Variants in GLDC observed in about 807,000 individuals in gnomAD.
GLDC encodes glycine dehydrogenase (decarboxylating), mitochondrial.
Under a neutral mutation model 121.3 loss-of-function variants are expected in GLDC, and 104 were observed. The observed-to-expected ratio is 0.86, with a 90% confidence interval of 0.73 to 1.01. The LOEUF (loss-of-function observed/expected upper bound fraction) is 1.01. Ranked by LOEUF, GLDC falls within the 50% of genes least tolerant of loss-of-function variation. GLDC has a pLI of 0.00. For missense variants in GLDC, 1,429 were observed against 1,306.6 expected (o/e 1.09, Z -1.44); for synonymous variants, 546 against 480.6 (o/e 1.14, Z -1.78).
At chr9:6,547,232 T>C (rs1169597097) in intron 21 of GLDC, among the ~76,000 whole-genome samples, 1 of 152,118 alleles carries the variant, frequency 6.6e-6, no homozygotes, top group Non-Finnish European at 1.5e-5. Flanking sequence ...CAGTTATATG[T>C]CTTTTTAAGA....
At chr9:6,602,457 A>G (rs1818635696) in intron 7 of GLDC, among the ~76,000 whole-genome samples, 3 of 151,510 alleles carry the variant, frequency 2.0e-5, no homozygotes, top group African/African-American at 7.3e-5. Context: ...GCTCACTGCA[A>G]CCTCTGCCTT....
At chr9:6,593,071 G>T in intron 9 of GLDC, 81 bp from the exon 10 acceptor site, 1 of 1,466,316 alleles carries the variant, frequency 6.8e-7, no homozygotes, top group Non-Finnish European at 9.6e-7. Context: ...ATAATAAAGA[G>T]ATAAATTCTA....
chr9:6,543,896 G>C (rs550126983), intron 21 of GLDC, among the ~76,000 whole-genome samples: 11 of 151,760 alleles, frequency 7.2e-5, no homozygotes, highest in African/African-American at 2.2e-4. Flanking sequence ...GACAGGAGGG[G>C]GGGGGATGAA....
chr9:6,540,371 A>G, intron 21 of GLDC: 1 of 524,374 alleles, frequency 1.9e-6, no homozygotes, highest in Non-Finnish European at 3.4e-6. Context: ...TCTTATCTTC[A>G]GCTCACTACA....
At chr9:6,562,001 T>G (rs1213673140) in intron 16 of GLDC, among the ~76,000 whole-genome samples, 1 of 152,262 alleles carries the variant, frequency 6.6e-6, no homozygotes, top group Admixed American at 6.5e-5. Context: ...TAACATAATT[T>G]GTTTCCTTTG....
intron 15 of GLDC, among the ~76,000 whole-genome samples, chr9:6,576,990 G>A (rs1268852049): frequency 6.6e-6 from 1 of 152,144 alleles, no homozygotes; most frequent in East Asian, 1.9e-4. Context: ...TTGAGCTGAT[G>A]AATTCTCTCT....
chr9:6,626,376 T>C (rs145304962), intron 2 of GLDC, among the ~76,000 whole-genome samples: 40 of 152,194 alleles, frequency 2.6e-4, no homozygotes, highest in African/African-American at 9.2e-4. Context: ...AGGAGCAGGA[T>C]TGAAATAAAA....
rs1010614777 is a variant in GLDC at position 6,556,295 on chromosome 9, T to A, written c.2060A>T (p.Lys687Met). Reference sequence around the variant, plus strand: ...GATAGCTGCTAGGTTCTCCTTGTGCTTATCCACCTGTGAAAGAAAAGGGGT... The same window carrying A: ...GATAGCTGCTAGGTTCTCCTTGTGCATATCCACCTGTGAAAGAAAAGGGGT... ...DAVHLKAMVD[K>M]HKENLAAIMI... Residue 687 changes from lysine (K) to methionine (M), a missense_variant, in exon 18 of 25, where the codon AAG becomes ATG. By Grantham distance (95) the Lys-to-Met change is moderately conservative (BLOSUM62 -1). Transcript: ENST00000321612. 2 of 1,613,532 alleles carry A rather than the reference T, an allele frequency of 1.2e-6. No individual in the cohort carries two copies.
rs899031479 is a variant in GLDC, at chr9:6,552,342, T to C, written c.2457+1026A>G. Among the ~76,000 whole-genome samples, 9 of 152,192 alleles carry C rather than the reference T, an allele frequency of 5.9e-5. No homozygotes were observed. The East Asian group carries it at 7.7e-4, about 13-fold the overall frequency. ...TGGGAAGTCATCTCCAACCCAAATATGTTCATACAAATAACCCAGATTTAC... is the reference window on the plus strand; with the variant it reads ...TGGGAAGTCATCTCCAACCCAAATACGTTCATACAAATAACCCAGATTTAC... On this transcript the variant is annotated intron_variant, in intron 20 of 24. Coordinates refer to ENST00000321612, the MANE Select transcript of GLDC (RefSeq NM_000170.3).
In GLDC at chr9:6,645,227, C is replaced by A; in HGVS notation, c.255+18G>T. The A allele has an allele frequency of 6.4e-7, 1 of 1,572,906 alleles. No individual in the cohort carries two copies. Among genetic ancestry groups the A allele is most frequent in the Non-Finnish European group, 8.6e-7 (1 of 1,159,110 alleles). On this transcript the variant is annotated intron_variant, in intron 1 of 24. Transcript: ENST00000321612. ...AGGGCGGAGGGGAGGCCGCGGAGGGCCGGGTGGAGGTCCTTACCGCCAGCC... is the reference window on the plus strand; with the variant it reads ...AGGGCGGAGGGGAGGCCGCGGAGGGACGGGTGGAGGTCCTTACCGCCAGCC...
intron 1 of GLDC, among the ~76,000 whole-genome samples, chr9:6,645,016 T>C (rs1024878019): frequency 2.6e-5 from 4 of 152,170 alleles, no homozygotes; most frequent in Non-Finnish European, 5.9e-5. Flanking sequence ...GGTTTAAAAA[T>C]GTACACTTTT....
At chr9:6,534,543 C>A (rs1404904993) in intron 24 of GLDC, among the ~76,000 whole-genome samples, 165 bp downstream of exon 24, 1 of 152,216 alleles carries the variant, frequency 6.6e-6, no homozygotes, top group Admixed American at 6.5e-5. Flanking sequence ...TGTGACCTCG[C>A]CTCTGAAAGC....
At chr9:6,642,740 A>G (rs2773508) in intron 2 of GLDC, among the ~76,000 whole-genome samples, 1 of 151,810 alleles carries the variant, frequency 6.6e-6, no homozygotes, top group African/African-American at 2.4e-5. Flanking sequence ...TAGAGTATAT[A>G]TATTATAAAA....
intron 21 of GLDC, among the ~76,000 whole-genome samples, chr9:6,547,557 A>T (rs1211905382): frequency 1.3e-5 from 2 of 152,148 alleles, no homozygotes; most frequent in African/African-American, 4.8e-5. Flanking sequence ...AAAAAAATTG[A>T]AGCCATACAT....
intron 12 of GLDC, 23 bp from the exon 13 acceptor site, chr9:6,588,725 T>G: frequency 6.5e-7 from 1 of 1,541,900 alleles, no homozygotes. Flanking sequence ...AACACAGAAT[T>G]AGGGGCCCCA....
chr9:6,644,313 C>T (rs77674962), intron 2 of GLDC, among the ~76,000 whole-genome samples: 3 of 151,874 alleles, frequency 2.0e-5, no homozygotes, highest in African/African-American at 4.8e-5. Flanking sequence ...GCACCCTGGC[C>T]GGTGAGAGGG....
chr9:6,545,737 T>C (rs952651496), intron 21 of GLDC, among the ~76,000 whole-genome samples: 1 of 151,702 alleles, frequency 6.6e-6, no homozygotes, highest in African/African-American at 2.4e-5. Flanking sequence ...TATTCCTGGG[T>C]TCAAGCGATT....
intron 21 of GLDC, among the ~76,000 whole-genome samples, chr9:6,545,828 A>G (rs1301200776): frequency 6.6e-6 from 1 of 152,042 alleles, no homozygotes; most frequent in African/African-American, 2.4e-5. Flanking sequence ...TTTAGTAGAG[A>G]CGGGGTTTCA....
intron 8 of GLDC, among the ~76,000 whole-genome samples, chr9:6,600,034 G>T (rs1471925441): frequency 6.6e-6 from 1 of 152,112 alleles, no homozygotes; most frequent in Non-Finnish European, 1.5e-5. Context: ...TCCCATTGAA[G>T]CACCTGTGAC....
Sources: gnomAD v4.1 joint callset for allele counts (sites outside exome capture counted in the v4.1 genomes callset) on GRCh38, gnomAD v4.1.1 for gene constraint, MANE v1.5 for transcripts, NCBI Gene and HGNC (gene_info 2026-07-23, HGNC 2026-07-21) for gene names.